SLIT3: variants seen among roughly 807,000 people sequenced by gnomAD.
The protein encoded by SLIT3 is slit guidance ligand 3.
A neutral mutation model predicts 184.0 loss-of-function variants in SLIT3; 68 were observed. That is an observed-to-expected ratio of 0.37 (90% confidence interval 0.30 to 0.45). SLIT3 has a LOEUF of 0.45. SLIT3 is among the 20% of genes least tolerant of loss of function. The pLI is 1.00. For synonymous variants in SLIT3, 831 were observed against 828.6 expected, an observed-to-expected ratio of 1.00 and a Z score of -0.05; for missense variants, 1,707 against 2,026.0, an observed-to-expected ratio of 0.84 and a Z score of 3.02.
chr5:168,856,763 C>A (rs554269370), intron 5 of SLIT3, among the ~76,000 whole-genome samples: 90 of 125,518 alleles, frequency 7.2e-4, no homozygotes, highest in African/African-American at 2.3e-3. Context: ...AAGCTGAGTT[C>A]CTCGTGTGTG....
At chr5:168,671,633 C>T (rs1761249344) in intron 33 of SLIT3, 150 bp from the exon 34 acceptor site, 1 of 813,028 alleles carries the variant, frequency 1.2e-6, no homozygotes, top group African/African-American at 1.7e-5. Flanking sequence ...CCTCGGACCT[C>T]CTCCATACAG....
intron 4 of SLIT3, among the ~76,000 whole-genome samples, chr5:169,114,460 C>T (rs925215676): frequency 7.9e-5 from 12 of 152,214 alleles, no homozygotes; most frequent in African/African-American, 2.9e-4. Context: ...TCTACACTGT[C>T]TCTCGCAGAC....
At chr5:169,165,125 C>G (rs114994555) in intron 4 of SLIT3, among the ~76,000 whole-genome samples, 4 of 152,236 alleles carry the variant, frequency 2.6e-5, no homozygotes, top group African/African-American at 9.6e-5. Context: ...AGATCCCTTG[C>G]CTTTGCTAGG....
chr5:168,853,466 T>A (rs572667680), intron 5 of SLIT3, among the ~76,000 whole-genome samples: 39 of 152,336 alleles, frequency 2.6e-4, no homozygotes, highest in African/African-American at 9.1e-4. Context: ...TTCCGTAAGC[T>A]GTACACAAAC....
In SLIT3 at chr5:168,883,303, C is replaced by T. The variant is rs144526633; in HGVS notation, c.447G>A (p.Pro149=). ...DLSENQIQGI[P]RKAFRGITDV... ...CGGTGATGCCGCGGAACGCCTTCCT[C>T]GGGATCCCCTGGATCTGGTTTTCAC... is the stretch of plus-strand genomic sequence containing the variant. The change falls in exon 5 of 36, where the codon CCG becomes CCA. Residue 149 remains proline (P), a synonymous_variant. Coordinates refer to ENST00000519560, the MANE Select transcript of SLIT3 (RefSeq NM_003062.4). 1.5e-5 allele frequency: 24 copies of T among 1,614,132 alleles called. No individual in the cohort carries two copies. Among genetic ancestry groups the T allele is most frequent in the Admixed American group, 5.0e-5 (3 of 60,030 alleles).
At chr5:169,042,017 G>A (rs2076437303) in intron 4 of SLIT3, among the ~76,000 whole-genome samples, 1 of 152,168 alleles carries the variant, frequency 6.6e-6, no homozygotes, top group East Asian at 1.9e-4. Context: ...CAAGAGTGAA[G>A]TATACTTCTC....
At chr5:168,761,937 T>C (rs925952652) in intron 15 of SLIT3, among the ~76,000 whole-genome samples, 7 of 145,586 alleles carry the variant, frequency 4.8e-5, no homozygotes, top group Admixed American at 4.1e-4. Context: ...TTTTTTTTTT[T>C]GTAGAGACTG....
At chr5:168,845,904 C>G (rs1415300290) in intron 5 of SLIT3, among the ~76,000 whole-genome samples, 1 of 152,178 alleles carries the variant, frequency 6.6e-6, no homozygotes, top group Non-Finnish European at 1.5e-5. Flanking sequence ...TTCTCCACCT[C>G]TCAGGTGGAG....
At chr5:169,006,802 C>T (rs1056791975) in intron 4 of SLIT3, among the ~76,000 whole-genome samples, 10 of 152,104 alleles carry the variant, frequency 6.6e-5, no homozygotes, top group Non-Finnish European at 1.5e-5. Context: ...CCCACCCAAC[C>T]GTTCCTGTTG....
At chr5:168,678,130 T>C (rs1761469643) in intron 32 of SLIT3, among the ~76,000 whole-genome samples, 1 of 152,156 alleles carries the variant, frequency 6.6e-6, no homozygotes, top group Non-Finnish European at 1.5e-5. Flanking sequence ...AAACCTCCCA[T>C]AATGTTATCT....
chr5:169,240,579 CTTTT>C (rs67955225), intron 3 of SLIT3, among the ~76,000 whole-genome samples: 28,301 of 114,530 alleles, frequency 0.25, 3,103 homozygotes, highest in Non-Finnish European at 0.32. Flanking sequence ...CTATCATTTT[CTTTT>C]TTTTTTTTTT....
intron 4 of SLIT3, among the ~76,000 whole-genome samples, chr5:169,161,791 G>A (rs1410526458): frequency 6.6e-6 from 1 of 152,094 alleles, no homozygotes; most frequent in Non-Finnish European, 1.5e-5. Flanking sequence ...GGTAGCTGAG[G>A]GTGGGGCCTC....
chr5:169,295,042 G>T (rs1442039293), intron 1 of SLIT3, among the ~76,000 whole-genome samples: 1 of 152,226 alleles, frequency 6.6e-6, no homozygotes, highest in Admixed American at 6.5e-5. Flanking sequence ...CTGAGTGAAT[G>T]TGAAGGCCTA....
At chr5:168,931,056 G>T (rs1283426849) in intron 4 of SLIT3, among the ~76,000 whole-genome samples, 1 of 152,084 alleles carries the variant, frequency 6.6e-6, no homozygotes, top group African/African-American at 2.4e-5. Flanking sequence ...AGCCAGCCCG[G>T]CCCAACACCC....
intron 1 of SLIT3, among the ~76,000 whole-genome samples, chr5:169,289,515 T>G (rs1024377207): frequency 1.3e-5 from 2 of 152,226 alleles, no homozygotes; most frequent in Admixed American, 6.5e-5. Flanking sequence ...CACTTTTACA[T>G]GCTACCCTGG....
intron 1 of SLIT3, among the ~76,000 whole-genome samples, chr5:169,281,354 T>C (rs1466801474): frequency 6.6e-6 from 1 of 152,126 alleles, no homozygotes; most frequent in Admixed American, 6.5e-5. Context: ...CGGGTGCCTG[T>C]AATCCCAGCT....
At chr5:168,776,536 C>T (rs1430442268) in intron 12 of SLIT3, among the ~76,000 whole-genome samples, 1 of 152,200 alleles carries the variant, frequency 6.6e-6, no homozygotes, top group Admixed American at 6.5e-5. Flanking sequence ...TTTTCAAGGT[C>T]ACACATGTTT....
At chr5:169,084,826 G>A (rs1759224988) in intron 4 of SLIT3, among the ~76,000 whole-genome samples, 1 of 152,112 alleles carries the variant, frequency 6.6e-6, no homozygotes, top group African/African-American at 2.4e-5. Flanking sequence ...GCAAATCAAA[G>A]CTGGGCCAAG....
chr5:168,718,548 A>G (rs1311372686), intron 23 of SLIT3, among the ~76,000 whole-genome samples: 2 of 152,066 alleles, frequency 1.3e-5, no homozygotes, highest in African/African-American at 4.8e-5. Context: ...GTCCACAAGA[A>G]TGTTCTCTTT....
Sources: allele counts gnomAD v4.1 joint callset (sites outside exome capture counted in the v4.1 genomes callset), GRCh38; gene constraint gnomAD v4.1.1; transcripts MANE v1.5; gene names NCBI Gene and HGNC (gene_info 2026-07-23, HGNC 2026-07-21).